The following ZNF518A variants were observed in gnomAD, a reference collection of about 807,000 sequenced individuals.
The protein encoded by ZNF518A is zinc finger protein 518A, also known as zinc finger protein 518.
A neutral mutation model predicts 102.7 loss-of-function variants in ZNF518A; 47 were observed. The observed-to-expected ratio is 0.46, with a 90% CI of 0.36 to 0.58. The LOEUF (loss-of-function observed/expected upper bound fraction) is 0.58. Ranked by LOEUF, ZNF518A falls within the 20% of genes least tolerant of loss-of-function variation. ZNF518A has a pLI of 0.00. For missense variants in ZNF518A, 1,793 were observed against 1,699.8 expected, an observed-to-expected ratio of 1.05 and a Z score of -0.96; for synonymous variants, 652 against 594.6, an observed-to-expected ratio of 1.10 and a Z score of -1.40.
intron 1 of ZNF518A, chr10:96,189,347 T>C (rs782757677): frequency 2.5e-5 from 14 of 553,120 alleles, no homozygotes; most frequent in Non-Finnish European, 4.8e-5. Flanking sequence ...TAACAAATTG[T>C]TTAAACTATT....
chr10:96,163,676 C>T lies in ZNF518A; in HGVS notation c.*2902C>T, dbSNP rs587613834. The T allele has an allele frequency of 1.8e-5, 3 of 166,876 alleles. No individual in the cohort carries two copies. Among genetic ancestry groups the T allele is most frequent in the Non-Finnish European group, 4.4e-5 (3 of 68,046 alleles). 10.3% of individuals were successfully genotyped at this position (166,876 alleles called of 1,614,324 possible). On this transcript the variant is annotated 3_prime_UTR_variant, in exon 6 of 6. Transcript: ENST00000316045. ...CCTTCTAGTTTCTGTCCTAACTACT[C>T]AATTCTCATAATGCAGAAAAAAACC... is the stretch of plus-strand genomic sequence containing the variant.
rs782748493 is a variant in ZNF518A at position 96,158,885 on chromosome 10, T to G, written c.2563T>G (p.Leu855Val). 28 of 1,613,556 alleles carry G rather than the reference T, an allele frequency of 1.7e-5. No homozygotes were observed. The highest frequency in any genetic ancestry group is 4.4e-5 in the South Asian group (4 of 91,060). Residue 855 changes from leucine to valine, a missense_variant, in exon 6 of 6, where the codon TTG becomes GTG. Physicochemically the swap from Leu to Val is conservative, Grantham distance 32. Coordinates refer to ENST00000316045, the MANE Select transcript of ZNF518A (RefSeq NM_001330736.2). ...SVGINVPTNDLNLKFGKEKQV... is the reference protein window; with the variant it reads ...SVGINVPTNDVNLKFGKEKQV... ...GGGTATTAATGTGCCTACAAATGAT[T>G]TGAATTTGAAATTTGGAAAAGAAAA...
intron 1 of ZNF518A, among the ~76,000 whole-genome samples, chr10:96,181,184 A>G (rs1166009772): frequency 2.0e-5 from 3 of 152,008 alleles, no homozygotes; most frequent in Non-Finnish European, 2.9e-5. Flanking sequence ...CCACTTTTTG[A>G]TGGGGTTGTT....
At chr10:96,139,428 T>G (rs1459013370) in intron 3 of ZNF518A, among the ~76,000 whole-genome samples, 1 of 152,088 alleles carries the variant, frequency 6.6e-6, no homozygotes, top group East Asian at 1.9e-4. Context: ...ATTAGTACCC[T>G]TATAAAAGAG....
chr10:96,166,486 G>A (rs1266012939), downstream of ZNF518A, among the ~76,000 whole-genome samples: 2 of 152,078 alleles, frequency 1.3e-5, no homozygotes, highest in African/African-American at 4.8e-5. Flanking sequence ...AAGGATCAGG[G>A]AGGCCAGGCA....
At chr10:96,186,740 CAAAT>C in intron 1 of ZNF518A, among the ~76,000 whole-genome samples, 1 of 152,272 alleles carries the variant, frequency 6.6e-6, no homozygotes, top group African/African-American at 2.4e-5. Flanking sequence ...GAAACCAAAA[CAAAT>C]AACTTTCCCA....
chr10:96,180,394 G>T (rs999586237), intron 1 of ZNF518A, among the ~76,000 whole-genome samples: 2 of 150,994 alleles, frequency 1.3e-5, no homozygotes, highest in African/African-American at 4.9e-5. Context: ...TGTGCACAAC[G>T]TGCAGGTTTG....
intron 1 of ZNF518A, among the ~76,000 whole-genome samples, chr10:96,181,958 C>T (rs1271664304): frequency 6.6e-6 from 1 of 152,148 alleles, no homozygotes; most frequent in Non-Finnish European, 1.5e-5. Flanking sequence ...ATTGATTCTT[C>T]CTCTCTGTGA....
At chr10:96,132,236 A>G (rs1169453418) in intron 1 of ZNF518A, among the ~76,000 whole-genome samples, 5 of 151,550 alleles carry the variant, frequency 3.3e-5, no homozygotes, top group Non-Finnish European at 7.4e-5. Flanking sequence ...ATGGCATATT[A>G]GATACCAGAA....
intron 1 of ZNF518A, among the ~76,000 whole-genome samples, chr10:96,184,519 T>A (rs1314738241): frequency 1.1e-4 from 16 of 152,336 alleles, no homozygotes; most frequent in Non-Finnish European, 1.9e-4. Context: ...TCTCTCAGCA[T>A]TTGCTTGTCT....
chr10:96,172,244 G>A (rs1407021992), intron 1 of ZNF518A, among the ~76,000 whole-genome samples: 1 of 152,004 alleles, frequency 6.6e-6, no homozygotes, highest in African/African-American at 2.4e-5. Context: ...TCTCTTAAAA[G>A]GCAATCAAAT....
At position 96,200,924 on chromosome 10, in the gene ZNF518A, T is replaced by C. The variant is rs1483771753; in HGVS notation, n.36-2650T>C. On this transcript the variant is annotated intron_variant and non_coding_transcript_variant, in intron 1 of 2. Transcript: ENST00000442635. The surrounding 1 kb of genome is among the most constrained non-coding windows in gnomAD (Gnocchi z 4.3). ...CCAAATGTCTTCTTCTCAGAAGACA[T>C]GCTCTTTCCTGCAGTTTCCTGGTAA... is the stretch of plus-strand genomic sequence containing the variant. 5 of 1,453,136 alleles carry C rather than the reference T, an allele frequency of 3.4e-6. No homozygotes were observed. The African/African-American group carries it at 5.6e-5, about 16-fold the overall frequency. 90.0% of individuals were successfully genotyped at this position (1,453,136 alleles called of 1,614,324 possible). A position where few individuals can be genotyped will look rare whatever the true frequency, so the allele number is the denominator to read the frequency against.
At chr10:96,191,776 C>T (rs2083333634) in intron 1 of ZNF518A, 3 of 614,402 alleles carry the variant, frequency 4.9e-6, no homozygotes, top group East Asian at 2.9e-5. Context: ...ATTAACAGTT[C>T]ATCAGGTCAG....
intron 1 of ZNF518A, among the ~76,000 whole-genome samples, chr10:96,186,893 A>G (rs1473885899): frequency 1.3e-5 from 2 of 152,214 alleles, no homozygotes; most frequent in African/African-American, 4.8e-5. Flanking sequence ...ATTTAGTAGA[A>G]TAATATGTCC....
intron 1 of ZNF518A, among the ~76,000 whole-genome samples, chr10:96,195,285 T>C (rs2083437548): frequency 6.6e-6 from 1 of 152,190 alleles, no homozygotes; most frequent in Non-Finnish European, 1.5e-5. Flanking sequence ...AGAATACCCA[T>C]ATCATCCAGC....
chr10:96,132,155 G>T (rs1466528189), intron 1 of ZNF518A, among the ~76,000 whole-genome samples: 1 of 151,468 alleles, frequency 6.6e-6, no homozygotes, highest in Admixed American at 6.6e-5. Context: ...TTATTATCTG[G>T]TCCCAGGTGT....
At position 96,160,389 on chromosome 10, in the gene ZNF518A, A is replaced by G. The variant is rs782352469; in HGVS notation, c.4067A>G (p.Asp1356Gly). 6.2e-7 allele frequency: 1 copy of G among 1,613,510 alleles called. No homozygotes were observed. Among genetic ancestry groups the G allele is most frequent in the East Asian group, 2.2e-5 (1 of 44,870 alleles). The change falls in exon 6 of 6, where the codon GAT (aspartate) becomes GGT (glycine). Residue 1356 changes from aspartate (D) to glycine (G), a missense_variant. Around this residue, in one of 3 missense-constraint regions of ZNF518A, gnomAD observed 1,741 missense variants for 1,622.6 expected, o/e 1.07. Coordinates refer to ENST00000316045, the MANE Select transcript of ZNF518A (RefSeq NM_001330736.2). The part of the protein sequence containing the change: ...PVVVLNHPDA[D>G]APEVVSVMKT... ...GTAGTTTTGAATCATCCTGACGCAG[A>G]TGCACCAGAAGTAGTAAGTGTAATG...
chr10:96,138,890 G>A (rs2081758636), intron 3 of ZNF518A, among the ~76,000 whole-genome samples: 1 of 149,254 alleles, frequency 6.7e-6, no homozygotes, highest in Non-Finnish European at 1.5e-5. Flanking sequence ...TATTGCCAGA[G>A]ATATTAAGTG....
chr10:96,149,218 G>C (rs1445397440), intron 3 of ZNF518A, among the ~76,000 whole-genome samples: 1 of 152,182 alleles, frequency 6.6e-6, no homozygotes. Flanking sequence ...CCTTGTCATG[G>C]ACTGGTGATA....
Sources: allele counts gnomAD v4.1 joint callset (sites outside exome capture counted in the v4.1 genomes callset), GRCh38; gene constraint gnomAD v4.1.1; regional missense constraint gnomAD v4.1.1; non-coding constraint Gnocchi (gnomAD v3.1); transcripts MANE v1.5; gene names NCBI Gene and HGNC (gene_info 2026-07-23, HGNC 2026-07-21).